PTPA: variants seen among roughly 807,000 people sequenced by gnomAD.
PTPA encodes serine/threonine-protein phosphatase 2A activator.
In PTPA, 13 loss-of-function variants were observed where a neutral mutation model predicts 43.6. The ratio of observed to expected loss-of-function variants is 0.30; its 90% CI spans 0.19 to 0.47. PTPA has a LOEUF of 0.47. PTPA is among the 20% of genes least tolerant of loss of function. The probability of loss-of-function intolerance (pLI) is 0.99; values close to 1 mark genes in which losing one functional copy is unlikely to be tolerated. For synonymous variants in PTPA, 172 were observed against 158.2 expected (o/e 1.09, Z -0.66); for missense variants, 329 against 411.9 (o/e 0.80, Z 1.74).
At chr9:129,128,211 A>G (rs1016378975) in intron 3 of PTPA, 27 of 430,392 alleles carry the variant, frequency 6.3e-5, no homozygotes, top group Non-Finnish European at 1.1e-4. Flanking sequence ...GTAAAACACT[A>G]TGAGAAGATA....
Position 129,142,486 on chromosome 9 carries a change from G to A in PTPA, c.828G>A (p.Trp276Ter). 6.2e-7 allele frequency: 1 copy of A among 1,608,382 alleles called. No homozygotes were observed. The highest frequency in any genetic ancestry group is 8.5e-7 in the Non-Finnish European group (1 of 1,175,640). Residue 276 changes from tryptophan to a stop codon, truncating the protein, a stop_gained, in exon 9 of 10, where the codon TGG (tryptophan) becomes TGA (stop). Coordinates refer to ENST00000393370, the MANE Select transcript of PTPA (RefSeq NM_178000.3). LOFTEE classifies it high-confidence loss of function. ...GPFAEHSNQL[W>*]NISAVPSWSK... The stretch of plus-strand genomic sequence containing the variant: ...TTGCAGAGCACTCCAACCAGCTGTG[G>A]AACATCAGCGCCGTCCCTTCCTGGT...
rs770297906 is a variant in PTPA, at chr9:129,123,056, A to G, written c.134A>G (p.Tyr45Cys). The G allele has an allele frequency of 6.2e-7, 1 of 1,608,376 alleles. No individual in the cohort carries two copies. Among genetic ancestry groups the G allele is most frequent in the Non-Finnish European group, 8.5e-7 (1 of 1,176,754 alleles). Residue 45 changes from tyrosine (Y) to cysteine (C), a missense_variant, in exon 3 of 10, where the codon TAC becomes TGC. Transcript: ENST00000393370. ...ATTCTCCTCTCTGTTTGGTAGGCAT[A>G]CGCTGACTACATCGGATTCATCCTT... is the stretch of plus-strand genomic sequence containing the variant. ...DMGKWKRSQA[Y>C]ADYIGFILTL...
chr9:129,125,533 G>A (rs1849520406), intron 3 of PTPA, among the ~76,000 whole-genome samples: 1 of 152,190 alleles, frequency 6.6e-6, no homozygotes, highest in Admixed American at 6.5e-5. Context: ...GTGAGCTGCT[G>A]CGCCCGGCCC....
At chr9:129,145,750 TCTGGGCCATGG>T (rs11269550) in intron 9 of PTPA, among the ~76,000 whole-genome samples, 33,798 of 152,034 alleles carry the variant, frequency 0.22, 4,132 homozygotes, top group Middle Eastern at 0.29. Context: ...CTGTCTTTCC[TCTGGGCCATGG>T]CTGTGTGGGT....
At chr9:129,124,486 A>G (rs1214369453) in intron 3 of PTPA, among the ~76,000 whole-genome samples, 1 of 152,238 alleles carries the variant, frequency 6.6e-6, no homozygotes, top group Non-Finnish European at 1.5e-5. Context: ...ATGTGGAGTC[A>G]AAGGGCACAT....
At chr9:129,133,572 A>G (rs560501710) in intron 5 of PTPA, among the ~76,000 whole-genome samples, 2 of 152,322 alleles carry the variant, frequency 1.3e-5, no homozygotes, top group African/African-American at 4.8e-5. Context: ...CATTGTGAAC[A>G]ATGGGATTCA....
chr9:129,122,166 G>A (rs1849290278), intron 2 of PTPA, among the ~76,000 whole-genome samples: 1 of 151,994 alleles, frequency 6.6e-6, no homozygotes, highest in Admixed American at 6.6e-5. Flanking sequence ...TCAGTGATAT[G>A]ATCATGGCTC....
At chr9:129,113,598 C>T (rs546643409) in intron 1 of PTPA, among the ~76,000 whole-genome samples, 98 of 151,794 alleles carry the variant, frequency 6.5e-4, no homozygotes, top group African/African-American at 1.6e-3. Context: ...GGCAAAACCC[C>T]GTCTGTATTC....
At chr9:129,111,732 G>T in intron 1 of PTPA, 101 bp downstream of exon 1, 1 of 1,240,976 alleles carries the variant, frequency 8.1e-7, no homozygotes, top group Non-Finnish European at 1.0e-6. Context: ...CGGAGGAACT[G>T]GAGGGGCAAA....
At chr9:129,140,723 C>G (rs1203729484) in intron 8 of PTPA, among the ~76,000 whole-genome samples, 2 of 149,694 alleles carry the variant, frequency 1.3e-5, no homozygotes, top group African/African-American at 4.9e-5. Flanking sequence ...TACACAGCTC[C>G]ATGCTCCCTG....
intron 1 of PTPA, among the ~76,000 whole-genome samples, chr9:129,116,391 T>C (rs10988210): frequency 0.57 from 76,896 of 136,016 alleles, 23,401 homozygotes; most frequent in Non-Finnish European, 0.68. Context: ...TTTCTTTTTT[T>C]TTTTTTTTTT....
chr9:129,119,186 A>T (rs562252319), intron 1 of PTPA: 1 of 159,428 alleles, frequency 6.3e-6, no homozygotes, highest in Non-Finnish European at 1.4e-5. Flanking sequence ...TTTTGTAAAG[A>T]TGGCGTTTTG....
intron 9 of PTPA, chr9:129,142,867 T>C: frequency 6.6e-7 from 1 of 1,523,188 alleles, no homozygotes; most frequent in Non-Finnish European, 8.8e-7. Flanking sequence ...CTTTATCAAG[T>C]GGCCAAAGGC....
At chr9:129,142,247 A>C (rs1172769498) in intron 8 of PTPA, 198 bp from the exon 9 acceptor site, 7 of 469,302 alleles carry the variant, frequency 1.5e-5, no homozygotes, top group Admixed American at 8.1e-5. Context: ...TGTCTCTGGC[A>C]CTTGCATGTG....
intron 8 of PTPA, among the ~76,000 whole-genome samples, chr9:129,138,456 G>A (rs1850529610): frequency 6.6e-6 from 1 of 152,188 alleles, no homozygotes; most frequent in Non-Finnish European, 1.5e-5. Flanking sequence ...CAGGAAAGCT[G>A]GGGACCCTCT....
rs1194346946 is a variant in PTPA at position 129,142,456 on chromosome 9, C to T, written c.798C>T (p.Gly266=). The T allele has an allele frequency of 6.3e-7, 1 of 1,586,006 alleles. No homozygotes were observed. Among genetic ancestry groups the T allele is most frequent in the African/African-American group, 1.4e-5 (1 of 73,954 alleles). ...CILFITEMKT[G]PFAEHSNQLW... is the part of the protein sequence containing the mutation. Reference sequence around the variant, plus strand: ...CTTCTCTTTTTCAGATGAAGACTGGCCCATTTGCAGAGCACTCCAACCAGC... The same window carrying T: ...CTTCTCTTTTTCAGATGAAGACTGGTCCATTTGCAGAGCACTCCAACCAGC... The change falls in exon 9 of 10, where the codon GGC becomes GGT. Residue 266 remains glycine, a synonymous_variant. Coordinates refer to ENST00000393370, the MANE Select transcript of PTPA (RefSeq NM_178000.3).
At chr9:129,114,027 C>G (rs954587910) in intron 1 of PTPA, among the ~76,000 whole-genome samples, 3 of 151,982 alleles carry the variant, frequency 2.0e-5, no homozygotes, top group African/African-American at 7.2e-5. Context: ...GAAAGAACTT[C>G]TTCTTTTTAG....
intron 8 of PTPA, 89 bp from the exon 9 acceptor site, chr9:129,142,356 G>GTT: frequency 8.6e-7 from 1 of 1,164,666 alleles, no homozygotes; most frequent in Non-Finnish European, 1.2e-6. Flanking sequence ...GTGTGTGTGT[G>GTT]CATGCATGGG....
At chr9:129,111,679 C>T (rs1201749191) in intron 1 of PTPA, 48 bp downstream of exon 1, 3 of 1,259,844 alleles carry the variant, frequency 2.4e-6, no homozygotes, top group South Asian at 3.2e-5. Context: ...AGGGTGGGGG[C>T]GGTGCCAGGT....
Sources: gnomAD v4.1 joint callset for allele counts (sites outside exome capture counted in the v4.1 genomes callset) on GRCh38, gnomAD v4.1.1 for gene constraint, MANE v1.5 for transcripts, NCBI Gene and HGNC (gene_info 2026-07-23, HGNC 2026-07-21) for gene names.